COL21A1: variants seen among roughly 807,000 people sequenced by gnomAD.
The protein encoded by COL21A1 is collagen alpha-1(XXI) chain.
A neutral mutation model predicts 137.9 loss-of-function variants in COL21A1; 149 were observed. The observed-to-expected ratio is 1.08, with a 90% CI of 0.95 to 1.24. COL21A1 has a LOEUF of 1.24. COL21A1 is among the 50% of genes most tolerant of loss of function. The pLI is 0.00. For missense variants in COL21A1, 1,167 were observed against 1,158.4 expected (o/e 1.01, Z -0.11); for synonymous variants, 456 against 391.5 (o/e 1.16, Z -1.95).
At chr6:56,298,415 G>C (rs1230120935) in intron 1 of COL21A1, among the ~76,000 whole-genome samples, 7 of 152,148 alleles carry the variant, frequency 4.6e-5, no homozygotes, top group Admixed American at 2.0e-4. Flanking sequence ...GAAACAGTAA[G>C]AGCAGGGAGT....
At chr6:56,206,045 A>G (rs771311684) in intron 1 of COL21A1, among the ~76,000 whole-genome samples, 14 of 152,216 alleles carry the variant, frequency 9.2e-5, no homozygotes, top group Non-Finnish European at 1.8e-4. Flanking sequence ...AATTGTAAAG[A>G]CCATTGACAC....
chr6:56,266,242 T>A (rs1356892327), intron 1 of COL21A1, among the ~76,000 whole-genome samples: 2 of 152,234 alleles, frequency 1.3e-5, no homozygotes, highest in Admixed American at 6.5e-5. Context: ...TTCATGAATG[T>A]CATAAACATC....
At chr6:56,090,631 A>G (rs1229687611) in intron 17 of COL21A1, among the ~76,000 whole-genome samples, 2 of 152,202 alleles carry the variant, frequency 1.3e-5, no homozygotes, top group Non-Finnish European at 2.9e-5. Context: ...TTCAAAATGC[A>G]TTATAAGAGT....
chr6:56,075,444 C>T (rs1188382980), intron 19 of COL21A1, 35 bp downstream of exon 19: 1 of 1,518,764 alleles, frequency 6.6e-7, no homozygotes, highest in Admixed American at 2.2e-5. Context: ...ACACTGCAAA[C>T]ACTTTGATGT....
chr6:56,081,928 T>C (rs1417860259), intron 17 of COL21A1, among the ~76,000 whole-genome samples: 2 of 151,846 alleles, frequency 1.3e-5, no homozygotes, highest in African/African-American at 2.4e-5. Context: ...TTTCACCTTA[T>C]AGGCTACAAA....
chr6:56,238,084 T>C (rs1782030056), intron 1 of COL21A1, among the ~76,000 whole-genome samples: 1 of 152,148 alleles, frequency 6.6e-6, no homozygotes, highest in African/African-American at 2.4e-5. Flanking sequence ...TTCCAATTAT[T>C]AGCCTTCACA....
At chr6:56,249,139 G>C (rs1782786363), upstream of COL21A1, among the ~76,000 whole-genome samples, 3 of 152,132 alleles carry the variant, frequency 2.0e-5, no homozygotes, top group African/African-American at 7.2e-5. Flanking sequence ...AACATAATTA[G>C]CCATTGGGGA....
At chr6:56,127,036 C>T (rs1286663647) in intron 12 of COL21A1, among the ~76,000 whole-genome samples, 1 of 152,176 alleles carries the variant, frequency 6.6e-6, no homozygotes, top group Non-Finnish European at 1.5e-5. Flanking sequence ...CAAAGCTCCA[C>T]ATCTCTTTGA....
chr6:56,260,584 G>A (rs373993157), intron 1 of COL21A1, among the ~76,000 whole-genome samples: 2,035 of 26,770 alleles, frequency 0.076, 62 homozygotes, highest in Middle Eastern at 0.2. Context: ...AAAAAAAAAA[G>A]AAAGAAGAAG....
chr6:56,090,365 T>A (rs1398146414), intron 17 of COL21A1, among the ~76,000 whole-genome samples: 3 of 152,252 alleles, frequency 2.0e-5, no homozygotes, highest in African/African-American at 7.2e-5. Flanking sequence ...GCTATGTCAA[T>A]GATATTTATG....
intron 17 of COL21A1, among the ~76,000 whole-genome samples, chr6:56,099,108 T>C (rs1015120425): frequency 4.0e-5 from 6 of 151,898 alleles, no homozygotes; most frequent in South Asian, 2.1e-4. Flanking sequence ...CATTGAATTA[T>C]GGTCTACACA....
intron 1 of COL21A1, among the ~76,000 whole-genome samples, chr6:56,290,517 T>TTTTTTTTTTTA (rs57823142): frequency 6.8e-6 from 1 of 147,324 alleles, no homozygotes; most frequent in Non-Finnish European, 1.5e-5. Context: ...TTTTTTTTTT[T>TTTTTTTTTTTA]GAGACGAAGT....
At chr6:56,135,444 AT>A (rs1438908008) in intron 12 of COL21A1, among the ~76,000 whole-genome samples, 3 of 152,118 alleles carry the variant, frequency 2.0e-5, no homozygotes, top group Admixed American at 2.0e-4. Context: ...GAAAATTAGA[AT>A]TAAAAAAAAA....
rs1174716863 is a variant in COL21A1, at chr6:56,124,070, C to T, written c.1750G>A (p.Gly584Ser). Reference protein sequence around the residue: ...HGKDGLMGSPGFKGEAGSPGA... With the variant: ...HGKDGLMGSPSFKGEAGSPGA... ...TTTTTTTTTATAAATACCTTGAAAC[C>T]GGGACTACCCATTAATCCATCCTTT... Residue 584 changes from glycine to serine, a missense_variant, in exon 16 of 30, where the codon GGT becomes AGT. Coordinates refer to ENST00000244728, the MANE Select transcript of COL21A1 (RefSeq NM_030820.4). The T allele has an allele frequency of 7.3e-6, 11 of 1,508,222 alleles. No homozygotes were observed. The highest frequency in any genetic ancestry group is 4.9e-5 in the Admixed American group (2 of 40,520). 93.4% of individuals were successfully genotyped at this position (1,508,222 alleles called of 1,614,324 possible). A position where few individuals can be genotyped will look rare whatever the true frequency, so the allele number is the denominator to read the frequency against.
intron 1 of COL21A1, among the ~76,000 whole-genome samples, chr6:56,393,503 A>G (rs2094034071): frequency 6.6e-6 from 1 of 152,158 alleles, no homozygotes; most frequent in Admixed American, 6.5e-5. Flanking sequence ...AAATGGAGTC[A>G]CATTTAAGCT....
chr6:56,154,777 C>T (rs769622268), intron 10 of COL21A1, among the ~76,000 whole-genome samples: 7 of 152,178 alleles, frequency 4.6e-5, no homozygotes, highest in Admixed American at 4.6e-4. Flanking sequence ...CTCTGAATCC[C>T]TGTGTGTCAG....
intron 3 of COL21A1, among the ~76,000 whole-genome samples, chr6:56,178,333 AAAG>A (rs1250752553): frequency 7.2e-5 from 11 of 152,258 alleles, no homozygotes; most frequent in Non-Finnish European, 1.0e-4. Flanking sequence ...AGATTCATAA[AAAG>A]AAGAACTATG....
chr6:56,209,700 A>G (rs2152304808), intron 1 of COL21A1, among the ~76,000 whole-genome samples: 1 of 152,290 alleles, frequency 6.6e-6, no homozygotes, highest in East Asian at 1.9e-4. Flanking sequence ...TAGTTCAACC[A>G]TTGTGGAAGA....
In COL21A1 at chr6:56,164,469, G is replaced by A; in HGVS notation, c.1325C>T (p.Ala442Val). ...NGPSDVGSTP[A>V]PCICPPGKPG... Reference sequence around the variant, plus strand: ...TTTTCCCGGAGGACAAATACAGGGAGCTGGAGTTGAACCTACATCACTGGG... The same window carrying A: ...TTTTCCCGGAGGACAAATACAGGGAACTGGAGTTGAACCTACATCACTGGG... Residue 442 changes from alanine to valine, a missense_variant, in exon 9 of 30, where the codon GCT becomes GTT. By Grantham distance (64) the Ala-to-Val change is moderately conservative. Transcript: ENST00000244728. The A allele has an allele frequency of 6.3e-7, 1 of 1,590,592 alleles. No individual in the cohort carries two copies. The highest frequency in any genetic ancestry group is 8.6e-7 in the Non-Finnish European group (1 of 1,167,418).
Sources: gnomAD v4.1 joint callset for allele counts (sites outside exome capture counted in the v4.1 genomes callset) on GRCh38, gnomAD v4.1.1 for gene constraint, MANE v1.5 for transcripts, NCBI Gene and HGNC (gene_info 2026-07-23, HGNC 2026-07-21) for gene names.